Variants in CUX2 observed in about 807,000 individuals in gnomAD.
The protein encoded by CUX2 is cut like homeobox 2, also known as homeobox protein cut-like 2.
Under a neutral mutation model 144.8 loss-of-function variants are expected in CUX2, and 40 were observed. The observed-to-expected ratio is 0.28, with a 90% CI of 0.21 to 0.36. The LOEUF (loss-of-function observed/expected upper bound fraction) is 0.36. CUX2 is among the 10% of genes least tolerant of loss of function. CUX2 has a pLI of 1.00. For missense variants in CUX2, 1,615 were observed against 1,994.0 expected (o/e 0.81, Z 3.62); for synonymous variants, 827 against 875.6 (o/e 0.94, Z 0.98).
At chr12:111,284,597 C>T (rs1441109564) in intron 4 of CUX2, among the ~76,000 whole-genome samples, 1 of 152,172 alleles carries the variant, frequency 6.6e-6, no homozygotes, top group African/African-American at 2.4e-5. Context: ...GTTAGTGTCA[C>T]CATTTTACAG....
At chr12:111,324,219 G>A (rs1358304584) in intron 18 of CUX2, among the ~76,000 whole-genome samples, 4 of 151,738 alleles carry the variant, frequency 2.6e-5, no homozygotes, top group Admixed American at 6.6e-5. Context: ...AAATGGTGGC[G>A]TGCACATGTA....
At chr12:111,097,189 A>G (rs747504193) in intron 1 of CUX2, among the ~76,000 whole-genome samples, 12 of 152,214 alleles carry the variant, frequency 7.9e-5, no homozygotes, top group Admixed American at 1.3e-4. Flanking sequence ...AGATACACCC[A>G]GGAAGGTGAC....
At position 111,310,347 on chromosome 12, in the gene CUX2, C is replaced by T. The variant is rs1489849745; in HGVS notation, c.1565C>T (p.Thr522Ile). 1 of 1,556,082 alleles carries T rather than the reference C, an allele frequency of 6.4e-7. No individual in the cohort carries two copies. The highest frequency in any genetic ancestry group is 2.3e-5 in the East Asian group (1 of 43,304). Reference protein sequence around the residue: ...YGAKPPTAPATPAPGPEPLGG... With the variant: ...YGAKPPTAPAIPAPGPEPLGG... ...GCCAAGCCCCCCACAGCCCCTGCCA[C>T]CCCGGCCCCTGGCCCTGAGCCACTG... is the stretch of plus-strand genomic sequence containing the variant. Residue 522 changes from threonine to isoleucine, a missense_variant, in exon 15 of 22, where the codon ACC becomes ATC. Physicochemically the swap from Thr to Ile is moderately conservative, Grantham distance 89. This residue lies in a region of CUX2 where 154 missense variants were observed against 148.4 expected (regional missense o/e 1.04). Transcript: ENST00000261726. The surrounding 1 kb of genome is among the most constrained non-coding windows in gnomAD (Gnocchi z 7.9).
chr12:111,265,052 C>T (rs368613727), intron 4 of CUX2, among the ~76,000 whole-genome samples: 18 of 151,858 alleles, frequency 1.2e-4, no homozygotes, highest in African/African-American at 3.9e-4. Flanking sequence ...GAATTGTTCA[C>T]GTTAAAATGA....
At position 111,304,286 on chromosome 12, in the gene CUX2, C is replaced by G. The variant is rs1886464039; in HGVS notation, c.830C>G (p.Ala277Gly). 1.2e-6 allele frequency: 2 copies of G among 1,613,886 alleles called. No homozygotes were observed. Among genetic ancestry groups the G allele is most frequent in the East Asian group, 4.5e-5 (2 of 44,866 alleles). The part of the protein sequence containing the change: ...LASVNSSIRL[A>G]CCSPQGPSGD... ...TCTGTCAACAGCTCCATCCGCCTGGCTTGCTGCTCTCCCCAGGGGCCCAGT... is the reference window on the plus strand; with the variant it reads ...TCTGTCAACAGCTCCATCCGCCTGGGTTGCTGCTCTCCCCAGGGGCCCAGT... Residue 277 changes from alanine (A) to glycine (G), a missense_variant, in exon 10 of 22, where the codon GCT becomes GGT. Physicochemically the swap from Ala to Gly is moderately conservative, Grantham distance 60. Coordinates refer to ENST00000261726, the MANE Select transcript of CUX2 (RefSeq NM_015267.4). This position sits in a 1 kb window ranked among gnomAD's most constrained non-coding sequence, Gnocchi z 4.7.
At chr12:111,294,585 C>CAA (rs35222521) in intron 6 of CUX2, among the ~76,000 whole-genome samples, 7 of 100,034 alleles carry the variant, frequency 7.0e-5, no homozygotes, top group Non-Finnish European at 1.4e-4. Flanking sequence ...CCTATCTTTT[C>CAA]AAAAAAAAAA....
chr12:111,228,021 G>A (rs1386601046), intron 3 of CUX2, among the ~76,000 whole-genome samples: 2 of 152,116 alleles, frequency 1.3e-5, no homozygotes, highest in African/African-American at 4.8e-5. Context: ...CAGGATATGG[G>A]GATGGGAGAG....
intron 1 of CUX2, among the ~76,000 whole-genome samples, chr12:111,128,134 C>T (rs1362505729): frequency 6.6e-6 from 1 of 152,218 alleles, no homozygotes; most frequent in Non-Finnish European, 1.5e-5. Flanking sequence ...CAATTATGTT[C>T]CTTCCAAGTC....
intron 4 of CUX2, among the ~76,000 whole-genome samples, chr12:111,279,639 G>C (rs1014197675): frequency 2.6e-5 from 4 of 151,810 alleles, no homozygotes; most frequent in Admixed American, 6.6e-5. Flanking sequence ...AGTGAGCTGT[G>C]ATCATGGCAC....
chr12:111,323,798 T>C (rs759693481), intron 18 of CUX2, among the ~76,000 whole-genome samples: 58 of 152,176 alleles, frequency 3.8e-4, no homozygotes, highest in Admixed American at 7.2e-4. Flanking sequence ...GGCTCACGCC[T>C]GTAATCCCAA....
At chr12:111,258,803 A>T (rs1883964039) in intron 3 of CUX2, among the ~76,000 whole-genome samples, 1 of 152,116 alleles carries the variant, frequency 6.6e-6, no homozygotes, top group African/African-American at 2.4e-5. Context: ...CTCCTACTTC[A>T]GCCTCCTGAG....
intron 4 of CUX2, among the ~76,000 whole-genome samples, chr12:111,275,956 CT>C: frequency 6.6e-6 from 1 of 152,228 alleles, no homozygotes; most frequent in South Asian, 2.1e-4. Flanking sequence ...TTCTCCTTGC[CT>C]TTATTTTTAT....
rs1215170713 is a variant in CUX2 at position 111,320,666 on chromosome 12, A to G, written c.2657A>G (p.Glu886Gly). The G allele has an allele frequency of 1.3e-6, 2 of 1,597,234 alleles. No homozygotes were observed. Among genetic ancestry groups the G allele is most frequent in the Non-Finnish European group, 1.7e-6 (2 of 1,179,294 alleles). Residue 886 changes from glutamate to glycine, a missense_variant, in exon 17 of 22, where the codon GAG becomes GGG. This residue lies in a region of CUX2 where 390 missense variants were observed against 387.1 expected (regional missense o/e 1.01). Transcript: ENST00000261726. This position sits in a 1 kb window ranked among gnomAD's most constrained non-coding sequence, Gnocchi z 8.1. The stretch of plus-strand genomic sequence containing the variant: ...CCCACCGTGCCGCCGCTGACCCCCG[A>G]GCAGTACGAGCTGTACATGTACCGT... ...LKPTVPPLTP[E>G]QYELYMYREV... is the part of the protein sequence containing the mutation.
chr12:111,291,628 C>T, intron 5 of CUX2, 76 bp downstream of exon 5: 1 of 1,444,870 alleles, frequency 6.9e-7, no homozygotes, highest in Non-Finnish European at 9.1e-7. Flanking sequence ...CTCAGCCAGC[C>T]TTGTTGCGGG....
At chr12:111,336,601 C>A (rs1888365033) in intron 19 of CUX2, among the ~76,000 whole-genome samples, 1 of 151,884 alleles carries the variant, frequency 6.6e-6, no homozygotes, top group Non-Finnish European at 1.5e-5. Flanking sequence ...GCCTGAGCCA[C>A]CACTCCTGGC....
intron 1 of CUX2, among the ~76,000 whole-genome samples, chr12:111,051,938 T>A (rs77322248): frequency 0.012 from 1,800 of 152,266 alleles, 36 homozygotes; most frequent in African/African-American, 0.042. Flanking sequence ...ATATATATTG[T>A]AACTTATAGG....
chr12:111,214,067 G>A (rs1881382268), intron 1 of CUX2, 133 bp from the exon 2 acceptor site: 2 of 450,786 alleles, frequency 4.4e-6, no homozygotes, highest in Non-Finnish European at 7.8e-6. Context: ...TCAATATCCT[G>A]TCTTTTCTCA....
At chr12:111,342,865 G>A (rs994463187) in intron 21 of CUX2, among the ~76,000 whole-genome samples, 30 of 150,630 alleles carry the variant, frequency 2.0e-4, no homozygotes, top group Middle Eastern at 3.4e-3. Flanking sequence ...AGGCTGAGGC[G>A]GGAGACTCAT....
At chr12:111,132,890 GC>G (rs1171919065) in intron 1 of CUX2, among the ~76,000 whole-genome samples, 2 of 152,096 alleles carry the variant, frequency 1.3e-5, no homozygotes, top group Non-Finnish European at 2.9e-5. Context: ...AAGATGGAAT[GC>G]TTTTAACAGC....
Sources: allele counts gnomAD v4.1 joint callset (sites outside exome capture counted in the v4.1 genomes callset), GRCh38; gene constraint gnomAD v4.1.1; regional missense constraint gnomAD v4.1.1; non-coding constraint Gnocchi (gnomAD v3.1); transcripts MANE v1.5; gene names NCBI Gene and HGNC (gene_info 2026-07-23, HGNC 2026-07-21).